The following BIN2 variants were observed in gnomAD, a reference collection of about 807,000 sequenced individuals.
The protein encoded by BIN2 is bridging integrator 2.
Under a neutral mutation model 67.9 loss-of-function variants are expected in BIN2, and 43 were observed. The ratio of observed to expected loss-of-function variants is 0.63; its 90% CI spans 0.50 to 0.82. BIN2 has a LOEUF of 0.82. BIN2 is among the 40% of genes least tolerant of loss of function. The probability of loss-of-function intolerance (pLI) is 0.00; values close to 1 mark genes in which losing one functional copy is unlikely to be tolerated. For synonymous variants in BIN2, 244 were observed against 246.8 expected, an observed-to-expected ratio of 0.99 and a Z score of 0.11; for missense variants, 581 against 671.6, an observed-to-expected ratio of 0.87 and a Z score of 1.49.
Position 51,302,040 on chromosome 12 carries a change from C to A in BIN2, c.388G>T (p.Ala130Ser). Residue 130 changes from alanine to serine, a missense_variant, in exon 5 of 13, where the codon GCC (alanine) becomes TCC (serine). Physicochemically the swap from Ala to Ser is moderately conservative, Grantham distance 99. Coordinates refer to ENST00000615107, the MANE Select transcript of BIN2 (RefSeq NM_016293.4). ...QAVRTMEIYV[A>S]QFSEIKERIA... ...AGTACCTTAATTTCACTGAACTGGG[C>A]AACATAGATTTCCATGGTCCTTACA... 1.2e-6 allele frequency: 2 copies of A among 1,613,174 alleles called. No individual in the cohort carries two copies. Among genetic ancestry groups the A allele is most frequent in the South Asian group, 1.1e-5 (1 of 91,050 alleles).
In BIN2 at chr12:51,305,826, C is replaced by CTTTTTTTTTTTT. The variant is rs1168899685; in HGVS notation, c.163-2697_163-2686dup. Among the ~76,000 whole-genome samples, 136 of 82,432 alleles carry CTTTTTTTTTTTT rather than the reference C, an allele frequency of 1.6e-3. 1 individual carries two copies. The highest frequency in any genetic ancestry group is 2.1e-3 in the South Asian group (4 of 1,870). The allele number at this position is 82,432 out of a possible 152,430, so 54.1% of individuals were successfully genotyped here. A position where few individuals can be genotyped will look rare whatever the true frequency, so the allele number is the denominator to read the frequency against. The stretch of plus-strand genomic sequence containing the variant: ...GCCTCCAGAGCTCACTGTTTTCTTT[C>CTTTTTTTTTTTT]TTTTTTTTTTTTTTTTTTTTTTTTT... On this transcript the variant is annotated intron_variant, in intron 2 of 12. Coordinates refer to ENST00000615107, the MANE Select transcript of BIN2 (RefSeq NM_016293.4).
At chr12:51,282,927 AGT>A (rs1945148002) in intron 12 of BIN2, among the ~76,000 whole-genome samples, 1 of 151,320 alleles carries the variant, frequency 6.6e-6, no homozygotes, top group African/African-American at 2.4e-5. Context: ...TTATTATTTT[AGT>A]GTGTTTCCTA....
Position 51,282,013 on chromosome 12 carries a change from G to A in BIN2, c.1669-485C>T, listed in dbSNP as rs150710639. On this transcript the variant is annotated intron_variant, in intron 12 of 12. Transcript: ENST00000615107. ...GCCTCCCAAAGTGCTGGGATTACAG[G>A]TGTGAGCCCCGGCACCTAGCCTCCT... 2.9e-3 allele frequency among the ~76,000 whole-genome samples: 439 copies of A among 152,242 alleles called. 2 individuals carry two copies. Among genetic ancestry groups the A allele is most frequent in the Non-Finnish European group, 2.3e-3 (154 of 68,020 alleles).
intron 1 of BIN2, 114 bp from the exon 2 acceptor site, chr12:51,314,017 C>CTTACTTAT (rs1555172349): frequency 2.1e-5 from 5 of 243,088 alleles, no homozygotes; most frequent in Non-Finnish European, 3.2e-5. Context: ...AAGGGCTGTA[C>CTTACTTAT]TTATTTATTT....
chr12:51,302,214 A>T, intron 4 of BIN2, 99 bp from the exon 5 acceptor site: 1 of 809,458 alleles, frequency 1.2e-6, no homozygotes, highest in African/African-American at 1.7e-5. Flanking sequence ...CCTTTTTTGT[A>T]GCACCGTATT....
At chr12:51,299,751 C>T (rs2137390966) in intron 5 of BIN2, 37 bp from the exon 6 acceptor site, 1 of 1,556,546 alleles carries the variant, frequency 6.4e-7, no homozygotes, top group African/African-American at 1.4e-5. Context: ...TGGATACTCA[C>T]TTTTTAGTGG....
chr12:51,295,584 A>AT (rs1945539026), intron 9 of BIN2, among the ~76,000 whole-genome samples: 2 of 11,740 alleles, frequency 1.7e-4, no homozygotes, highest in Non-Finnish European at 2.9e-4. Flanking sequence ...AAAAATATAT[A>AT]TATATATATA....
intron 1 of BIN2, among the ~76,000 whole-genome samples, chr12:51,319,113 C>T (rs1047037966): frequency 6.6e-6 from 1 of 152,162 alleles, no homozygotes; most frequent in African/African-American, 2.4e-5. Context: ...CCCTCCCTTC[C>T]TTTGTCCCTA....
upstream of BIN2, chr12:51,324,338 C>T: frequency 1.5e-6 from 2 of 1,328,982 alleles, no homozygotes; most frequent in Non-Finnish European, 2.0e-6. Context: ...CGCTCGAGGC[C>T]AGCTTCCGAG....
At chr12:51,320,936 A>ACAC (rs1031506424) in intron 1 of BIN2, among the ~76,000 whole-genome samples, 1,763 of 138,798 alleles carry the variant, frequency 0.013, 75 homozygotes, top group African/African-American at 0.042. Flanking sequence ...TCATACTAAA[A>ACAC]ACACACACAC....
intron 2 of BIN2, among the ~76,000 whole-genome samples, chr12:51,308,860 T>G (rs1945930649): frequency 6.6e-6 from 1 of 152,140 alleles, no homozygotes; most frequent in Non-Finnish European, 1.5e-5. Context: ...GGCTCATGCC[T>G]GTAATCCGAG....
intron 10 of BIN2, among the ~76,000 whole-genome samples, chr12:51,289,779 C>T (rs951151674): frequency 6.7e-5 from 10 of 149,830 alleles, no homozygotes; most frequent in African/African-American, 2.2e-4. Flanking sequence ...TAGTAGTGCT[C>T]ACTGCAGCCT....
intron 1 of BIN2, among the ~76,000 whole-genome samples, chr12:51,314,314 C>G (rs1337781250): frequency 6.6e-6 from 1 of 151,758 alleles, no homozygotes; most frequent in Non-Finnish European, 1.5e-5. Context: ...TCGCAAAGTG[C>G]TGGGATTACA....
chr12:51,316,280 C>T (rs1016415086), intron 1 of BIN2, among the ~76,000 whole-genome samples: 8 of 148,146 alleles, frequency 5.4e-5, no homozygotes, highest in Non-Finnish European at 8.9e-5. Context: ...GTCAGGAGTT[C>T]GAGACCAACC....
At chr12:51,287,898 G>A (rs942140400) in intron 11 of BIN2, among the ~76,000 whole-genome samples, 8 of 150,844 alleles carry the variant, frequency 5.3e-5, no homozygotes, top group African/African-American at 1.2e-4. Flanking sequence ...GAATCCGCCC[G>A]CCTCTGCCTC....
chr12:51,316,328 C>CAA (rs3059178), intron 1 of BIN2, among the ~76,000 whole-genome samples: 18,435 of 123,132 alleles, frequency 0.15, 1,520 homozygotes, highest in South Asian at 0.22. Context: ...ACTAAAAATA[C>CAA]AAAAAAAAAA....
At chr12:51,300,036 C>T (rs1318921741) in intron 5 of BIN2, among the ~76,000 whole-genome samples, 2 of 151,974 alleles carry the variant, frequency 1.3e-5, no homozygotes, top group African/African-American at 4.8e-5. Context: ...TGGGGTTTTG[C>T]CATCTTAGCC....
rs1946067165 is a variant in BIN2, at chr12:51,314,175, G to A, written c.82-272C>T. Among the ~76,000 whole-genome samples the A allele has an allele frequency of 2.0e-5, 3 of 152,186 alleles. No individual in the cohort carries two copies. In the South Asian group the frequency reaches 6.2e-4, roughly 32 times the overall value. ...CAATTCTCCTGCCTCAGCCTCCTGA[G>A]TAGCTGGGATTACAGGCGTGTACCA... On this transcript the variant is annotated intron_variant, in intron 1 of 12. Coordinates refer to ENST00000615107, the MANE Select transcript of BIN2 (RefSeq NM_016293.4).
At chr12:51,318,410 C>A (rs983901294) in intron 1 of BIN2, among the ~76,000 whole-genome samples, 1 of 152,090 alleles carries the variant, frequency 6.6e-6, no homozygotes. Flanking sequence ...TACAGGTGCC[C>A]ACCACCACGC....
Sources: gnomAD v4.1 joint callset for allele counts (sites outside exome capture counted in the v4.1 genomes callset) on GRCh38, gnomAD v4.1.1 for gene constraint, MANE v1.5 for transcripts, NCBI Gene and HGNC (gene_info 2026-07-23, HGNC 2026-07-21) for gene names.